The following NOVA1 variants were observed in gnomAD, a reference collection of about 807,000 sequenced individuals.
The protein encoded by NOVA1 is RNA-binding protein Nova-1.
In NOVA1, 7 loss-of-function variants were observed where a neutral mutation model predicts 38.0. The ratio of observed to expected loss-of-function variants is 0.18; its 90% CI spans 0.10 to 0.35. The LOEUF is 0.35. NOVA1 is among the 10% of genes least tolerant of loss of function. The probability of loss-of-function intolerance (pLI) is 1.00; values close to 1 mark genes in which losing one functional copy is unlikely to be tolerated. For synonymous variants in NOVA1, 270 were observed against 232.5 expected (o/e 1.16, Z -1.47); for missense variants, 460 against 616.0 (o/e 0.75, Z 2.68).
intron 2 of NOVA1, among the ~76,000 whole-genome samples, chr14:26,512,768 AT>A (rs1159490774): frequency 2.6e-5 from 4 of 152,162 alleles, no homozygotes; most frequent in African/African-American, 9.6e-5. Flanking sequence ...AAGTAGAAAA[AT>A]ATATGCAAAT....
rs373418337 is a variant in NOVA1, at chr14:26,541,042, G to C, written c.280+54368C>G. Reference sequence around the variant, plus strand: ...ATATTTAGGATCCAGAAAAAAAATTGGATGATATTTAAGTAAAAGGAGAGG... The same window carrying C: ...ATATTTAGGATCCAGAAAAAAAATTCGATGATATTTAAGTAAAAGGAGAGG... On this transcript the variant is annotated intron_variant, in intron 2 of 4. Transcript: ENST00000539517. Among the ~76,000 whole-genome samples, 35 of 152,172 alleles carry C rather than the reference G, an allele frequency of 2.3e-4. No individual in the cohort carries two copies. In the East Asian group the frequency reaches 2.5e-3, roughly 11 times the overall value.
intron 2 of NOVA1, among the ~76,000 whole-genome samples, chr14:26,509,526 G>A (rs935909420): frequency 1.3e-5 from 2 of 152,180 alleles, no homozygotes; most frequent in African/African-American, 4.8e-5. Context: ...GCGATTGACA[G>A]AGCAAGACAG....
At chr14:26,557,929 G>A (rs190664413) in intron 2 of NOVA1, among the ~76,000 whole-genome samples, 3 of 150,268 alleles carry the variant, frequency 2.0e-5, no homozygotes, top group African/African-American at 7.3e-5. Flanking sequence ...ATTATTTCAC[G>A]ATTAAAAGAC....
chr14:26,504,970 T>C (rs1386740118), intron 2 of NOVA1, among the ~76,000 whole-genome samples: 3 of 152,126 alleles, frequency 2.0e-5, no homozygotes, highest in African/African-American at 7.2e-5. Context: ...CATGGGCCTT[T>C]GATCTCAGGT....
At position 26,448,634 on chromosome 14, in the gene NOVA1, T is replaced by C. The variant is rs1882331468; in HGVS notation, c.849A>G (p.Ala283=). The C allele has an allele frequency of 1.9e-6, 3 of 1,614,266 alleles. No homozygotes were observed. The highest frequency in any genetic ancestry group is 2.5e-6 in the Non-Finnish European group (3 of 1,180,048). ...ANTAEVLPTA[A]AAAGLLGHAN... Reference sequence around the variant, plus strand: ...CATGTCCTAATAGCCCTGCAGCTGCTGCAGCAGTTGGTAACACTTCAGCAG... The same window carrying C: ...CATGTCCTAATAGCCCTGCAGCTGCCGCAGCAGTTGGTAACACTTCAGCAG... The change falls in exon 5 of 5, where the codon GCA becomes GCG. Residue 283 remains alanine (A), a synonymous_variant. Coordinates refer to ENST00000539517, the MANE Select transcript of NOVA1 (RefSeq NM_002515.3). This position sits in a 1 kb window ranked among gnomAD's most constrained non-coding sequence, Gnocchi z 5.3.
intron 2 of NOVA1, among the ~76,000 whole-genome samples, chr14:26,489,375 A>G (rs1294640976): frequency 1.3e-5 from 2 of 152,122 alleles, no homozygotes; most frequent in South Asian, 2.1e-4. Flanking sequence ...TACATGCACT[A>G]TATCAAATAA....
intron 2 of NOVA1, among the ~76,000 whole-genome samples, chr14:26,567,835 T>A (rs573750771): frequency 6.6e-6 from 1 of 152,306 alleles, no homozygotes; most frequent in African/African-American, 2.4e-5. Flanking sequence ...GTTATGCTTT[T>A]AAAAAATAGT....
At chr14:26,583,847 T>C (rs904133175) in intron 2 of NOVA1, among the ~76,000 whole-genome samples, 2 of 149,742 alleles carry the variant, frequency 1.3e-5, no homozygotes, top group Admixed American at 6.7e-5. Flanking sequence ...GTTTTGACAA[T>C]ATACCTAACT....
At chr14:26,596,559 G>A in intron 1 of NOVA1, 2 of 1,289,056 alleles carry the variant, frequency 1.6e-6, no homozygotes, top group Non-Finnish European at 2.0e-6. Context: ...TGCATATGCT[G>A]GAGATAAATT....
chr14:26,549,291 T>C (rs1027893987), intron 2 of NOVA1: 3 of 150,866 alleles, frequency 2.0e-5, no homozygotes, highest in African/African-American at 7.3e-5. Context: ...CATAAAACAC[T>C]GGAAGCAAGG....
intron 2 of NOVA1, among the ~76,000 whole-genome samples, chr14:26,496,192 A>G (rs1334698894): frequency 1.3e-5 from 2 of 151,774 alleles, no homozygotes; most frequent in African/African-American, 4.8e-5. Context: ...TGCCATTCTA[A>G]CTGGTGTGAG....
At position 26,597,658 on chromosome 14, in the gene NOVA1, T is replaced by C; in HGVS notation, c.-222A>G. 1 of 1,201,758 alleles carries C rather than the reference T, an allele frequency of 8.3e-7. No homozygotes were observed. Among genetic ancestry groups the C allele is most frequent in the Non-Finnish European group, 1.0e-6 (1 of 971,700 alleles). 74.4% of individuals were successfully genotyped at this position (1,201,758 alleles called of 1,614,324 possible). A position where few individuals can be genotyped will look rare whatever the true frequency, so the allele number is the denominator to read the frequency against. On this transcript the variant is annotated 5_prime_UTR_variant, in exon 1 of 5. Transcript: ENST00000539517. ...GGGCTGAGGAGCAGCTGCAGTGCAG[T>C]GTCAGAAAGGAGACAGGGGAATGGA...
At chr14:26,547,426 TA>T (rs1184567712) in intron 2 of NOVA1, among the ~76,000 whole-genome samples, 5 of 152,160 alleles carry the variant, frequency 3.3e-5, no homozygotes, top group African/African-American at 1.2e-4. Flanking sequence ...ATATATTCAA[TA>T]AAAAGTTCCC....
At chr14:26,507,237 T>C (rs930750291) in intron 2 of NOVA1, among the ~76,000 whole-genome samples, 3 of 151,264 alleles carry the variant, frequency 2.0e-5, no homozygotes, top group South Asian at 2.1e-4. Context: ...GGATGATTGC[T>C]AAAGCATACT....
intron 2 of NOVA1, among the ~76,000 whole-genome samples, chr14:26,519,902 A>G (rs916466664): frequency 2.6e-5 from 4 of 152,144 alleles, no homozygotes; most frequent in African/African-American, 9.7e-5. Context: ...AATGCAAGAA[A>G]TAATGAAGAA....
intron 4 of NOVA1, among the ~76,000 whole-genome samples, chr14:26,466,313 T>C (rs1198929755): frequency 6.6e-6 from 1 of 152,170 alleles, no homozygotes; most frequent in African/African-American, 2.4e-5. Context: ...CGGTAAACTA[T>C]TTCAGGTGGC....
chr14:26,557,406 T>C (rs1028121867), intron 2 of NOVA1, among the ~76,000 whole-genome samples: 4 of 152,132 alleles, frequency 2.6e-5, no homozygotes, highest in Non-Finnish European at 5.9e-5. Context: ...TCTCTCCTTG[T>C]TGCCCAGGCT....
chr14:26,452,363 G>A (rs981251167), intron 4 of NOVA1, among the ~76,000 whole-genome samples: 4 of 152,058 alleles, frequency 2.6e-5, no homozygotes, highest in African/African-American at 4.8e-5. Context: ...TTTAAGTGTC[G>A]GGCCAGAGTT....
intron 2 of NOVA1, among the ~76,000 whole-genome samples, chr14:26,568,814 T>C (rs1216491391): frequency 6.6e-6 from 1 of 152,170 alleles, no homozygotes; most frequent in East Asian, 1.9e-4. Flanking sequence ...AGCTATGCTG[T>C]CATTGTAAGA....
Sources: gnomAD v4.1 joint callset for allele counts (sites outside exome capture counted in the v4.1 genomes callset) on GRCh38, gnomAD v4.1.1 for gene constraint, Gnocchi (gnomAD v3.1) non-coding constraint, MANE v1.5 for transcripts, NCBI Gene and HGNC (gene_info 2026-07-23, HGNC 2026-07-21) for gene names.